The following MED12L variants were observed in gnomAD, a reference collection of about 807,000 sequenced individuals.
MED12L encodes the protein mediator of RNA polymerase II transcription subunit 12-like protein.
MED12L carries 60 observed loss-of-function variants against 281.3 expected under a neutral mutation model. The ratio of observed to expected loss-of-function variants is 0.21; its 90% CI spans 0.17 to 0.26. MED12L has a LOEUF of 0.26. Among genes scored for constraint, MED12L ranks in the 10% least tolerant of loss-of-function variants. The probability of loss-of-function intolerance (pLI) is 1.00; values close to 1 mark genes in which losing one functional copy is unlikely to be tolerated. For synonymous variants in MED12L, 974 were observed against 987.2 expected (o/e 0.99, Z 0.25); for missense variants, 2,146 against 2,680.9 (o/e 0.80, Z 4.41).
chr3:151,366,047 G>C, intron 23 of MED12L, 56 bp downstream of exon 23: 3 of 1,360,030 alleles, frequency 2.2e-6, no homozygotes, highest in Non-Finnish European at 2.9e-6. Context: ...TTTAGTTAGT[G>C]GGTAATCTTT....
At chr3:151,411,223 G>C (rs1412877523) in intron 40 of MED12L, 55 bp from the exon 41 acceptor site, 6 of 1,492,222 alleles carry the variant, frequency 4.0e-6, no homozygotes, top group Non-Finnish European at 5.6e-6. Context: ...CGTAGTGATG[G>C]GAAAGCTAGG....
chr3:151,385,735 A>C (rs1237174005), intron 36 of MED12L, among the ~76,000 whole-genome samples: 1 of 151,864 alleles, frequency 6.6e-6, no homozygotes, highest in Admixed American at 6.6e-5. Flanking sequence ...AAAAAAAAAA[A>C]ACCTTCCTGT....
intron 21 of MED12L, among the ~76,000 whole-genome samples, chr3:151,360,901 A>G (rs966828337): frequency 2.0e-5 from 3 of 152,126 alleles, no homozygotes; most frequent in Non-Finnish European, 4.4e-5. Context: ...TTAAGATTTT[A>G]CATTTTCTAT....
intron 16 of MED12L, among the ~76,000 whole-genome samples, chr3:151,230,071 G>A (rs925913102): frequency 2.0e-5 from 3 of 152,030 alleles, no homozygotes; most frequent in East Asian, 1.9e-4. Flanking sequence ...CTGGGTTCAC[G>A]CCATTCTCCC....
Position 151,247,030 on chromosome 3 carries a change from C to A in MED12L, c.2250+53364C>A, listed in dbSNP as rs1220682118. On this transcript the variant is annotated intron_variant, in intron 16 of 44. Coordinates refer to ENST00000687756, the MANE Select transcript of MED12L (RefSeq NM_001393769.1). Reference sequence around the variant, plus strand: ...AAACACATGAAAAAATCCTCACTGGCATCAGAGAAATGCAAACCAAAACCA... The same window carrying A: ...AAACACATGAAAAAATCCTCACTGGAATCAGAGAAATGCAAACCAAAACCA... Among the ~76,000 whole-genome samples, 4 of 151,968 alleles carry A rather than the reference C, an allele frequency of 2.6e-5. No homozygotes were observed. The East Asian group carries it at 7.7e-4, about 29-fold the overall frequency.
At chr3:151,116,941 C>G (rs749652889) in intron 3 of MED12L, among the ~76,000 whole-genome samples, 1 of 152,132 alleles carries the variant, frequency 6.6e-6, no homozygotes, top group Non-Finnish European at 1.5e-5. Flanking sequence ...TCCTCTCTAC[C>G]TCTTAGTAAG....
At chr3:151,370,912 C>G (rs1199479005) in intron 26 of MED12L, among the ~76,000 whole-genome samples, 1 of 152,200 alleles carries the variant, frequency 6.6e-6, no homozygotes, top group African/African-American at 2.4e-5. Flanking sequence ...TTGCCCACCT[C>G]TTCATCCACA....
At chr3:151,406,961 A>G (rs1317532182) in intron 39 of MED12L, among the ~76,000 whole-genome samples, 1 of 151,852 alleles carries the variant, frequency 6.6e-6, no homozygotes, top group East Asian at 1.9e-4. Context: ...CAGCACATCC[A>G]GCTAATTTTT....
At chr3:151,279,078 C>A (rs1742383509) in intron 16 of MED12L, among the ~76,000 whole-genome samples, 1 of 152,166 alleles carries the variant, frequency 6.6e-6, no homozygotes, top group Non-Finnish European at 1.5e-5. Context: ...ACTGTCTTTC[C>A]CATTGACTAT....
At position 151,365,744 on chromosome 3, in the gene MED12L, A is replaced by G. The variant is rs1755196010; in HGVS notation, c.3186-106A>G. ...AGTATTTTATCTGTGAATCTAAGAAAATGACTTGTTTGATGTTAGTGAAAT... is the reference window on the plus strand; with the variant it reads ...AGTATTTTATCTGTGAATCTAAGAAGATGACTTGTTTGATGTTAGTGAAAT... On this transcript the variant is annotated intron_variant, in intron 22 of 44. Coordinates refer to ENST00000687756, the MANE Select transcript of MED12L (RefSeq NM_001393769.1). 3 of 1,039,656 alleles carry G rather than the reference A, an allele frequency of 2.9e-6. No individual in the cohort carries two copies. The African/African-American group carries it at 4.8e-5, about 17-fold the overall frequency. 64.4% of individuals were successfully genotyped at this position (1,039,656 alleles called of 1,614,324 possible). A position where few individuals can be genotyped will look rare whatever the true frequency, so the allele number is the denominator to read the frequency against.
intron 2 of MED12L, among the ~76,000 whole-genome samples, chr3:151,099,906 T>C (rs1721189938): frequency 6.6e-6 from 1 of 152,140 alleles, no homozygotes; most frequent in Non-Finnish European, 1.5e-5. Context: ...CTGGATGACC[T>C]GGAGAGATGG....
intron 16 of MED12L, chr3:151,248,873 C>T (rs527248845): frequency 6.6e-6 from 1 of 152,108 alleles, no homozygotes; most frequent in Non-Finnish European, 1.5e-5. Flanking sequence ...ACCAATTTTT[C>T]CAGTCTTTTA....
At chr3:151,300,094 A>G (rs754917838) in intron 16 of MED12L, 2 of 1,607,910 alleles carry the variant, frequency 1.2e-6, no homozygotes, top group African/African-American at 1.3e-5. Flanking sequence ...GTCAAGTTGA[A>G]CCCCATTCTT....
intron 43 of MED12L, among the ~76,000 whole-genome samples, chr3:151,422,983 C>A (rs1382409875): frequency 1.4e-5 from 2 of 144,542 alleles, no homozygotes; most frequent in Non-Finnish European, 3.0e-5. Context: ...GCACAAGTCC[C>A]TTCTATTTTA....
At chr3:151,133,869 T>C (rs537385405) in intron 5 of MED12L, among the ~76,000 whole-genome samples, 1 of 152,322 alleles carries the variant, frequency 6.6e-6, no homozygotes, top group South Asian at 2.1e-4. Flanking sequence ...AATTGAAGTC[T>C]TTGAACAGAT....
intron 11 of MED12L, among the ~76,000 whole-genome samples, chr3:151,182,683 G>A (rs1722845296): frequency 6.6e-6 from 1 of 152,106 alleles, no homozygotes; most frequent in East Asian, 1.9e-4. Context: ...GGAGAGAGAA[G>A]GACTCTCAGC....
At chr3:151,196,015 A>AT (rs1012638248) in intron 16 of MED12L, among the ~76,000 whole-genome samples, 1 of 152,250 alleles carries the variant, frequency 6.6e-6, no homozygotes, top group Non-Finnish European at 1.5e-5. Flanking sequence ...AGAGCTTTGC[A>AT]TGTCTCTCTC....
chr3:151,186,013 C>T (rs1250363336), intron 12 of MED12L, among the ~76,000 whole-genome samples: 1 of 152,054 alleles, frequency 6.6e-6, no homozygotes, highest in Non-Finnish European at 1.5e-5. Context: ...TTTACAACTA[C>T]ATATTTTAGT....
chr3:151,263,350 T>C (rs541917934), intron 16 of MED12L, among the ~76,000 whole-genome samples: 54 of 152,304 alleles, frequency 3.5e-4, no homozygotes, highest in African/African-American at 1.2e-3. Flanking sequence ...CTGGATAACA[T>C]TGCATTATTA....
Sources: gnomAD v4.1 joint callset for allele counts (sites outside exome capture counted in the v4.1 genomes callset) on GRCh38, gnomAD v4.1.1 for gene constraint, MANE v1.5 for transcripts, NCBI Gene and HGNC (gene_info 2026-07-23, HGNC 2026-07-21) for gene names.